Variants in ATP6V1A observed in about 807,000 individuals in gnomAD.
ATP6V1A encodes the protein ATPase H+ transporting V1 subunit A.
A neutral mutation model predicts 70.1 loss-of-function variants in ATP6V1A; 18 were observed. The ratio of observed to expected loss-of-function variants is 0.26; its 90% CI spans 0.18 to 0.38. The LOEUF is 0.38. ATP6V1A is among the 10% of genes least tolerant of loss of function. ATP6V1A has a pLI of 1.00. For missense variants in ATP6V1A, 424 were observed against 772.4 expected, an observed-to-expected ratio of 0.55 and a Z score of 5.35; for synonymous variants, 232 against 253.8, an observed-to-expected ratio of 0.91 and a Z score of 0.82.
intron 14 of ATP6V1A, among the ~76,000 whole-genome samples, chr3:113,807,405 TC>T (rs2108047430): frequency 6.6e-6 from 1 of 152,068 alleles, no homozygotes; most frequent in South Asian, 2.1e-4. Context: ...GGTCTTGAAC[TC>T]CTGACCTCAG....
intron 14 of ATP6V1A, among the ~76,000 whole-genome samples, chr3:113,809,037 A>G (rs1308487066): frequency 3.3e-5 from 5 of 151,820 alleles, no homozygotes; most frequent in Non-Finnish European, 7.4e-5. Context: ...ATCACTTGAG[A>G]TCAGGAGTTC....
chr3:113,798,173 G>T, intron 11 of ATP6V1A, 70 bp from the exon 12 acceptor site: 1 of 1,529,742 alleles, frequency 6.5e-7, no homozygotes. Context: ...GGACAAACAT[G>T]CTTCGGTATT....
At chr3:113,790,900 T>G (rs947156333) in intron 8 of ATP6V1A, among the ~76,000 whole-genome samples, 1 of 152,178 alleles carries the variant, frequency 6.6e-6, no homozygotes, top group African/African-American at 2.4e-5. Flanking sequence ...GAACTAGTAT[T>G]AAATGCTGGG....
chr3:113,768,960 G>A (rs1041157036), intron 1 of ATP6V1A, among the ~76,000 whole-genome samples: 6 of 152,096 alleles, frequency 3.9e-5, no homozygotes, highest in African/African-American at 1.2e-4. Context: ...TAATTCTTAT[G>A]GTTAGAACAT....
intron 1 of ATP6V1A, among the ~76,000 whole-genome samples, chr3:113,752,322 A>G (rs1708596837): frequency 6.6e-6 from 1 of 151,886 alleles, no homozygotes; most frequent in Non-Finnish European, 1.5e-5. Context: ...ATTGGAAAAT[A>G]CCTTTAAAAT....
intron 3 of ATP6V1A, among the ~76,000 whole-genome samples, chr3:113,782,494 C>T (rs886776525): frequency 6.7e-6 from 1 of 149,118 alleles, no homozygotes; most frequent in East Asian, 1.9e-4. Flanking sequence ...CATACATGAG[C>T]AAATACAAAT....
chr3:113,788,725 A>C lies in ATP6V1A; in HGVS notation c.729A>C (p.Gly243=). ...TTTCTTTGTTTAGGTGTGTCCAGGGAGGAACTACTGCTATCCCTGGAGCCT... is the reference window on the plus strand; with the variant it reads ...TTTCTTTGTTTAGGTGTGTCCAGGGCGGAACTACTGCTATCCCTGGAGCCT... The part of the protein sequence containing the change: ...VLDALFPCVQ[G]GTTAIPGAFG... Residue 243 remains glycine (G), a synonymous_variant, in exon 7 of 15, where the codon GGA becomes GGC. Coordinates refer to ENST00000273398, the MANE Select transcript of ATP6V1A (RefSeq NM_001690.4). The C allele has an allele frequency of 6.2e-7, 1 of 1,613,686 alleles. No homozygotes were observed. The highest frequency in any genetic ancestry group is 8.5e-7 in the Non-Finnish European group (1 of 1,179,848).
chr3:113,789,642 G>C, intron 7 of ATP6V1A, 90 bp from the exon 8 acceptor site: 1 of 921,670 alleles, frequency 1.1e-6, no homozygotes, highest in Non-Finnish European at 1.7e-6. Context: ...ATTAAATATG[G>C]GCAAAAGTTT....
chr3:113,781,800 A>C (rs1397134585), intron 3 of ATP6V1A, among the ~76,000 whole-genome samples: 2 of 152,214 alleles, frequency 1.3e-5, no homozygotes, highest in Non-Finnish European at 2.9e-5. Flanking sequence ...AAGAAAGCGT[A>C]AACAGAATAA....
chr3:113,782,430 A>G (rs1392103729), intron 3 of ATP6V1A, among the ~76,000 whole-genome samples: 1 of 151,636 alleles, frequency 6.6e-6, no homozygotes, highest in Non-Finnish European at 1.5e-5. Context: ...CCATGCACAC[A>G]TGGAACCACA....
intron 1 of ATP6V1A, among the ~76,000 whole-genome samples, chr3:113,748,175 A>G (rs1305902276): frequency 2.0e-5 from 3 of 152,192 alleles, no homozygotes; most frequent in African/African-American, 7.2e-5. Flanking sequence ...ATTTTGATGA[A>G]TAGTATTTTG....
chr3:113,788,652 A>G (rs1190171568), intron 6 of ATP6V1A, 61 bp from the exon 7 acceptor site: 4 of 1,544,478 alleles, frequency 2.6e-6, no homozygotes, highest in African/African-American at 2.8e-5. Context: ...CCCGGCCCCT[A>G]CTTTATTTAT....
At chr3:113,804,448 T>C (rs559429704) in intron 13 of ATP6V1A, among the ~76,000 whole-genome samples, 135 of 152,292 alleles carry the variant, frequency 8.9e-4, no homozygotes, top group African/African-American at 3.0e-3. Context: ...TTTTTCATTA[T>C]TATCAATGCT....
intron 1 of ATP6V1A, among the ~76,000 whole-genome samples, chr3:113,763,485 T>G (rs1212250255): frequency 1.3e-5 from 2 of 152,230 alleles, no homozygotes; most frequent in Non-Finnish European, 2.9e-5. Context: ...GTGCATAAAT[T>G]GAGTCCTAAG....
chr3:113,793,586 C>T (rs1709121345), intron 8 of ATP6V1A, among the ~76,000 whole-genome samples: 1 of 152,140 alleles, frequency 6.6e-6, no homozygotes, highest in South Asian at 2.1e-4. Flanking sequence ...AGATTTAAAA[C>T]ACAGCATGCT....
chr3:113,794,549 C>T (rs936073844), intron 8 of ATP6V1A, among the ~76,000 whole-genome samples: 27 of 152,166 alleles, frequency 1.8e-4, no homozygotes, highest in African/African-American at 6.0e-4. Context: ...ACATGGCTTC[C>T]AAGACTACTG....
At chr3:113,775,958 CAT>C (rs1708907388) in intron 1 of ATP6V1A, among the ~76,000 whole-genome samples, 1 of 152,208 alleles carries the variant, frequency 6.6e-6, no homozygotes, top group African/African-American at 2.4e-5. Flanking sequence ...CGTATTATCT[CAT>C]AGTTTCTAGA....
chr3:113,799,919 G>C (rs1020388209), intron 12 of ATP6V1A, among the ~76,000 whole-genome samples: 1 of 152,024 alleles, frequency 6.6e-6, no homozygotes, highest in Non-Finnish European at 1.5e-5. Context: ...GCTCTTGGAC[G>C]GAATGACTTA....
intron 1 of ATP6V1A, among the ~76,000 whole-genome samples, chr3:113,772,582 G>A (rs1708855518): frequency 6.6e-6 from 1 of 151,906 alleles, no homozygotes; most frequent in Non-Finnish European, 1.5e-5. Flanking sequence ...AAAAAAATTA[G>A]CCGGGCGTGG....
Sources: allele counts gnomAD v4.1 joint callset (sites outside exome capture counted in the v4.1 genomes callset), GRCh38; gene constraint gnomAD v4.1.1; transcripts MANE v1.5; gene names NCBI Gene and HGNC (gene_info 2026-07-23, HGNC 2026-07-21).